Variants in DLG2 observed in about 807,000 individuals in gnomAD.
DLG2 encodes disks large homolog 2.
In DLG2, 45 loss-of-function variants were observed where a neutral mutation model predicts 132.5. That is an observed-to-expected ratio of 0.34 (90% CI 0.27 to 0.44). The LOEUF is 0.44. Ranked by LOEUF, DLG2 falls within the 20% of genes least tolerant of loss-of-function variation. The pLI is 1.00. For missense variants in DLG2, 1,045 were observed against 1,196.9 expected (o/e 0.87, Z 1.87); for synonymous variants, 424 against 419.6 (o/e 1.01, Z -0.13).
chr11:84,081,960 T>C (rs1282497900), intron 10 of DLG2, among the ~76,000 whole-genome samples: 1 of 152,200 alleles, frequency 6.6e-6, no homozygotes, highest in Non-Finnish European at 1.5e-5. Context: ...GCTTTCCTAT[T>C]TCTCCATATG....
At chr11:84,252,196 C>A (rs954255581) in intron 7 of DLG2, among the ~76,000 whole-genome samples, 3 of 114,972 alleles carry the variant, frequency 2.6e-5, no homozygotes, top group African/African-American at 1.0e-4. Flanking sequence ...GTCGCCCATG[C>A]TGGAGTGTGC....
chr11:84,544,706 C>A (rs1565253480), intron 6 of DLG2, among the ~76,000 whole-genome samples: 16 of 152,090 alleles, frequency 1.1e-4, no homozygotes. Flanking sequence ...CAATATATAT[C>A]TCATAGAAAT....
intron 6 of DLG2, among the ~76,000 whole-genome samples, chr11:84,557,220 A>G (rs1212647086): frequency 6.6e-6 from 1 of 152,110 alleles, no homozygotes; most frequent in Non-Finnish European, 1.5e-5. Flanking sequence ...GGAAATTATC[A>G]TTGATATTCT....
At chr11:84,503,520 G>C (rs553925545) in intron 7 of DLG2, among the ~76,000 whole-genome samples, 27 of 152,248 alleles carry the variant, frequency 1.8e-4, no homozygotes, top group African/African-American at 6.3e-4. Context: ...ATGTTTCTTA[G>C]GACCAAGCTT....
At chr11:84,293,143 C>CGGGTGTGG (rs1318194885) in intron 7 of DLG2, among the ~76,000 whole-genome samples, 1 of 151,212 alleles carries the variant, frequency 6.6e-6, no homozygotes. Flanking sequence ...GTGTGTGTGT[C>CGGGTGTGG]GGGTGTGGGG....
At chr11:83,606,474 C>A (rs912967696) in intron 19 of DLG2, among the ~76,000 whole-genome samples, 3 of 152,156 alleles carry the variant, frequency 2.0e-5, no homozygotes, top group Non-Finnish European at 2.9e-5. Flanking sequence ...AAGCCTTTAA[C>A]ATCTCCACTA....
intron 6 of DLG2, among the ~76,000 whole-genome samples, chr11:85,075,882 G>A (rs558606734): frequency 1.8e-3 from 266 of 151,942 alleles, no homozygotes; most frequent in African/African-American, 6.1e-3. Context: ...TGTCTACAAT[G>A]AATTTAATTA....
At chr11:84,957,875 A>AT (rs1311405174) in intron 6 of DLG2, among the ~76,000 whole-genome samples, 1 of 152,198 alleles carries the variant, frequency 6.6e-6, no homozygotes, top group Non-Finnish European at 1.5e-5. Flanking sequence ...AAGATACCAT[A>AT]TTCATTGGTT....
intron 24 of DLG2, among the ~76,000 whole-genome samples, chr11:83,471,119 A>G (rs866953781): frequency 6.6e-6 from 1 of 152,086 alleles, no homozygotes; most frequent in African/African-American, 2.4e-5. Context: ...CTAGAGGTCA[A>G]ATTGAAGTGT....
chr11:83,503,408 T>TAGATAG (rs1293417489), intron 21 of DLG2, among the ~76,000 whole-genome samples: 4 of 71,184 alleles, frequency 5.6e-5, no homozygotes, highest in African/African-American at 1.5e-4. Flanking sequence ...TATATATATA[T>TAGATAG]ATATATATAT....
chr11:83,947,856 T>C (rs929092440), intron 14 of DLG2, among the ~76,000 whole-genome samples: 48 of 152,304 alleles, frequency 3.2e-4, no homozygotes, highest in African/African-American at 1.0e-3. Context: ...TCTGAGTTTG[T>C]CACTTACTTT....
chr11:83,939,723 A>G (rs1033400313), intron 14 of DLG2, among the ~76,000 whole-genome samples: 1 of 152,228 alleles, frequency 6.6e-6, no homozygotes, highest in Admixed American at 6.5e-5. Flanking sequence ...AGAATTTCTG[A>G]ATATATTTAG....
intron 2 of DLG2, among the ~76,000 whole-genome samples, chr11:85,613,065 A>G (rs571101792): frequency 6.6e-6 from 1 of 152,290 alleles, no homozygotes; most frequent in East Asian, 1.9e-4. Context: ...CGTTTATAGG[A>G]AAAGGCTTCT....
chr11:84,217,097 A>C (rs1016619789), intron 8 of DLG2, among the ~76,000 whole-genome samples: 2 of 152,208 alleles, frequency 1.3e-5, no homozygotes, highest in Admixed American at 6.5e-5. Context: ...TGGTCAATGA[A>C]TATGTTCAAA....
intron 2 of DLG2, among the ~76,000 whole-genome samples, chr11:85,606,528 A>G (rs1367768163): frequency 2.6e-5 from 4 of 152,206 alleles, no homozygotes; most frequent in Admixed American, 2.0e-4. Flanking sequence ...TGGACCAAGC[A>G]GCTCTCTGTA....
chr11:84,280,312 T>TC (rs1268207976), intron 7 of DLG2, among the ~76,000 whole-genome samples: 2 of 152,000 alleles, frequency 1.3e-5, no homozygotes. Flanking sequence ...CCTGATTTTT[T>TC]TTTTTTGAGA....
Position 84,580,151 on chromosome 11 carries a change from C to A in DLG2, c.358-45420G>T, listed in dbSNP as rs535221943. Among the ~76,000 whole-genome samples the A allele has an allele frequency of 2.4e-4, 36 of 152,158 alleles. 1 individual carries two copies. Among genetic ancestry groups the A allele is most frequent in the African/African-American group, 7.0e-4 (29 of 41,518 alleles). On this transcript the variant is annotated intron_variant, in intron 6 of 27. Transcript: ENST00000376104. ...ATGAGCACTTTCAATCCTCAGTAAT[C>A]GATTAAAGTGTGTATTACCTAATGG...
intron 7 of DLG2, among the ~76,000 whole-genome samples, chr11:84,275,096 C>G (rs898024925): frequency 2.6e-5 from 4 of 152,214 alleles, no homozygotes; most frequent in Non-Finnish European, 4.4e-5. Flanking sequence ...AATTCTTAAG[C>G]AAATGCTTAT....
chr11:84,828,831 G>A (rs528367884), intron 6 of DLG2, among the ~76,000 whole-genome samples: 3 of 151,898 alleles, frequency 2.0e-5, no homozygotes, highest in Non-Finnish European at 4.4e-5. Flanking sequence ...ACGGCTATGT[G>A]TTGGTATGCT....
Sources: gnomAD v4.1 joint callset for allele counts (sites outside exome capture counted in the v4.1 genomes callset) on GRCh38, gnomAD v4.1.1 for gene constraint, MANE v1.5 for transcripts, NCBI Gene and HGNC (gene_info 2026-07-23, HGNC 2026-07-21) for gene names.